The following STRIP2 variants were observed in gnomAD, a reference collection of about 807,000 sequenced individuals.
STRIP2 encodes the protein striatin-interacting protein 2.
Under a neutral mutation model 107.1 loss-of-function variants are expected in STRIP2, and 84 were observed. The ratio of observed to expected loss-of-function variants is 0.78; its 90% CI spans 0.66 to 0.94. The LOEUF is 0.94. Ranked by LOEUF, STRIP2 falls within the 40% of genes least tolerant of loss-of-function variation. The pLI, the probability that STRIP2 is intolerant of heterozygous loss-of-function variation, is 0.00. For synonymous variants in STRIP2, 394 were observed against 400.4 expected (o/e 0.98, Z 0.19); for missense variants, 888 against 1,034.2 (o/e 0.86, Z 1.94).
rs369543012 is a variant in STRIP2, at chr7:129,434,756, C to T, written c.129+155C>T. On this transcript the variant is annotated intron_variant, in intron 1 of 20. Transcript: ENST00000249344. ...GGGGTCCTAGCGGCTGAACTCTGGG[C>T]TCTTTGGCCCGGACCAGTGTCCGCC... 7.7e-3 allele frequency among the ~76,000 whole-genome samples: 1,172 copies of T among 152,386 alleles called. 13 individuals carry two copies. Among genetic ancestry groups the T allele is most frequent in the African/African-American group, 0.027 (1,117 of 41,594 alleles).
intron 1 of STRIP2, among the ~76,000 whole-genome samples, chr7:129,436,452 C>T (rs1429707552): frequency 2.6e-5 from 4 of 152,202 alleles, no homozygotes; most frequent in East Asian, 3.8e-4. Flanking sequence ...AGCTTTCCAC[C>T]TGCACCGCGG....
intron 1 of STRIP2, among the ~76,000 whole-genome samples, chr7:129,436,098 T>TC (rs780199010): frequency 6.6e-6 from 1 of 152,084 alleles, no homozygotes; most frequent in Non-Finnish European, 1.5e-5. Context: ...TGTACCTCCT[T>TC]CCCCCACAGA....
chr7:129,479,491 C>CTTTTTTTTTTTTTTTTTT, intron 18 of STRIP2, among the ~76,000 whole-genome samples: 1 of 136,370 alleles, frequency 7.3e-6, no homozygotes, highest in Non-Finnish European at 1.6e-5. Flanking sequence ...AATAATGTTT[C>CTTTTTTTTTTTTTTTTTT]TTTTTTTTTT....
Position 129,483,392 on chromosome 7 carries a change from A to G in STRIP2, c.2254+346A>G, listed in dbSNP as rs1788780491. On this transcript the variant is annotated intron_variant, in intron 20 of 20. Coordinates refer to ENST00000249344, the MANE Select transcript of STRIP2 (RefSeq NM_020704.3). This position sits in a 1 kb window ranked among gnomAD's most constrained non-coding sequence, Gnocchi z 5.1. ...AAGCAGTTAGAAAAAAAGATAGAAA[A>G]TACAAGTAAACAAACATTTTACTAT... The G allele has an allele frequency of 1.1e-6, 1 of 897,772 alleles. No individual in the cohort carries two copies. 55.6% of individuals were successfully genotyped at this position (897,772 alleles called of 1,614,324 possible).
At chr7:129,464,476 T>G in intron 15 of STRIP2, 136 bp from the exon 16 acceptor site, 1 of 910,124 alleles carries the variant, frequency 1.1e-6, no homozygotes, top group African/African-American at 1.7e-5. Flanking sequence ...ACTCTGGAGG[T>G]TTCCCTGGCA....
chr7:129,483,188 A>G lies in STRIP2; in HGVS notation c.2254+142A>G. The G allele has an allele frequency of 6.9e-7, 1 of 1,442,938 alleles. No individual in the cohort carries two copies. Among genetic ancestry groups the G allele is most frequent in the Non-Finnish European group, 9.1e-7 (1 of 1,099,360 alleles). 89.4% of individuals were successfully genotyped at this position (1,442,938 alleles called of 1,614,324 possible). A position where few individuals can be genotyped will look rare whatever the true frequency, so the allele number is the denominator to read the frequency against. On this transcript the variant is annotated intron_variant, in intron 20 of 20. Transcript: ENST00000249344. The surrounding 1 kb of genome is among the most constrained non-coding windows in gnomAD (Gnocchi z 5.1). ...ATGTGATTATAGGTCAGGCGCTGAT[A>G]CACCAAACTTTAAGGTTATGCCTCA...
Position 129,482,862 on chromosome 7 carries a change from G to A in STRIP2, c.2070G>A (p.Ser690=), listed in dbSNP as rs181546167. 1.1e-4 allele frequency: 182 copies of A among 1,613,936 alleles called. No homozygotes were observed. Among genetic ancestry groups the A allele is most frequent in the Admixed American group, 8.0e-4 (48 of 60,000 alleles). The change falls in exon 20 of 21, where the codon TCG becomes TCA. Residue 690 remains serine, a synonymous_variant. Coordinates refer to ENST00000249344, the MANE Select transcript of STRIP2 (RefSeq NM_020704.3). ...SRTMMLVVFK[S]APILKRALKV... is the part of the protein sequence containing the mutation. Reference sequence around the variant, plus strand: ...AACAGATGCTGGTAGTGTTTAAATCGGCACCAATCTTAAAGCGGGCCCTCA... The same window carrying A: ...AACAGATGCTGGTAGTGTTTAAATCAGCACCAATCTTAAAGCGGGCCCTCA...
Position 129,487,128 on chromosome 7 carries a change from C to T in STRIP2, c.*1299C>T, listed in dbSNP as rs535260240. The stretch of plus-strand genomic sequence containing the variant: ...TCCCGGGTTCAAGCGATTCTCCTGC[C>T]TCAGCCTCCCAAGGAGCTGGGATTA... On this transcript the variant is annotated 3_prime_UTR_variant, in exon 21 of 21. Transcript: ENST00000249344. 6.6e-6 allele frequency: 1 copy of T among 152,084 alleles called. No homozygotes were observed. Among genetic ancestry groups the T allele is most frequent in the African/African-American group, 2.4e-5 (1 of 41,304 alleles). 9.4% of individuals were successfully genotyped at this position (152,084 alleles called of 1,614,324 possible).
At chr7:129,442,790 T>C (rs1304091396) in intron 2 of STRIP2, among the ~76,000 whole-genome samples, 1 of 152,190 alleles carries the variant, frequency 6.6e-6, no homozygotes, top group East Asian at 1.9e-4. Context: ...GACAAGGTGT[T>C]TCTCAACCAT....
At chr7:129,476,817 G>C (rs1013397961) in intron 18 of STRIP2, among the ~76,000 whole-genome samples, 1 of 152,162 alleles carries the variant, frequency 6.6e-6, no homozygotes, top group South Asian at 2.1e-4. Context: ...GGGAGGCCAA[G>C]GCAGGCGGCT....
chr7:129,456,679 A>G, intron 9 of STRIP2, 37 bp downstream of exon 9: 5 of 1,569,858 alleles, frequency 3.2e-6, no homozygotes, highest in Non-Finnish European at 4.4e-6. Context: ...TGGGACACCG[A>G]CTGGCCAAAA....
intron 2 of STRIP2, among the ~76,000 whole-genome samples, chr7:129,443,467 T>C (rs1398422624): frequency 6.6e-6 from 1 of 152,224 alleles, no homozygotes; most frequent in Non-Finnish European, 1.5e-5. Flanking sequence ...AGAGTTTTTT[T>C]TGCAGCCTCT....
intron 18 of STRIP2, among the ~76,000 whole-genome samples, chr7:129,475,800 A>G (rs2151015148): frequency 6.6e-6 from 1 of 152,194 alleles, no homozygotes; most frequent in East Asian, 1.9e-4. Flanking sequence ...CATCTGTTTA[A>G]CAAAGCACAT....
At chr7:129,464,536 G>C in intron 15 of STRIP2, 76 bp from the exon 16 acceptor site, 1 of 1,534,060 alleles carries the variant, frequency 6.5e-7, no homozygotes, top group Admixed American at 1.7e-5. Context: ...TATTGTATCA[G>C]ACCCAAATAC....
At chr7:129,465,146 C>T (rs1377633867) in intron 16 of STRIP2, among the ~76,000 whole-genome samples, 2 of 152,140 alleles carry the variant, frequency 1.3e-5, no homozygotes, top group East Asian at 1.9e-4. Flanking sequence ...GGGCACAGTT[C>T]TGGCTCTTCA....
Position 129,461,967 on chromosome 7 carries a change from T to C in STRIP2, c.1477-999T>C, listed in dbSNP as rs1798548482. On this transcript the variant is annotated intron_variant, in intron 13 of 20. Coordinates refer to ENST00000249344, the MANE Select transcript of STRIP2 (RefSeq NM_020704.3). The surrounding 1 kb of genome is among the most constrained non-coding windows in gnomAD (Gnocchi z 4.0). ...GCACAAGTAGGAGACTGGCCTTTGT[T>C]AGAAGCACAGGCGGTTCATCCTTCA... Among the ~76,000 whole-genome samples the C allele has an allele frequency of 6.6e-6, 1 of 152,172 alleles. No individual in the cohort carries two copies. Among genetic ancestry groups the C allele is most frequent in the Non-Finnish European group, 1.5e-5 (1 of 68,018 alleles).
intron 3 of STRIP2, among the ~76,000 whole-genome samples, chr7:129,448,952 T>C (rs1267121771): frequency 6.6e-6 from 1 of 152,174 alleles, no homozygotes; most frequent in East Asian, 1.9e-4. Flanking sequence ...CTGGGATGAG[T>C]AGATCTAAAG....
rs1798582202 is a variant in STRIP2 at position 129,463,019 on chromosome 7, G to A, written c.1530G>A (p.Leu510=). The change falls in exon 14 of 21, where the codon CTG becomes CTA. Residue 510 remains leucine (L), a synonymous_variant. Transcript: ENST00000249344. ...GTGAAATCCTCTACCAGGGAATGCTGTACAGCCTTCCGCAGTATATGGTAA... is the reference window on the plus strand; with the variant it reads ...GTGAAATCCTCTACCAGGGAATGCTATACAGCCTTCCGCAGTATATGGTAA... The part of the protein sequence containing the change: ...TPCEILYQGM[L]YSLPQYMIAL... 2.5e-6 allele frequency: 4 copies of A among 1,613,938 alleles called. No individual in the cohort carries two copies. In the East Asian group the frequency reaches 6.7e-5, roughly 27 times the overall value.
Position 129,483,692 on chromosome 7 carries a change from G to A in STRIP2, c.2254+646G>A, listed in dbSNP as rs1477200239. The stretch of plus-strand genomic sequence containing the variant: ...TTTTCCAAGTCAGAATCCAATCCAG[G>A]ACCACAGGTTGCATCCAGTTGTTAT... On this transcript the variant is annotated intron_variant, in intron 20 of 20. Transcript: ENST00000249344. The surrounding 1 kb of genome is among the most constrained non-coding windows in gnomAD (Gnocchi z 5.1). The A allele has an allele frequency of 6.6e-6, 1 of 152,082 alleles. No individual in the cohort carries two copies. The highest frequency in any genetic ancestry group is 1.5e-5 in the Non-Finnish European group (1 of 68,058). The allele number at this position is 152,082 out of a possible 1,614,324, so 9.4% of individuals were successfully genotyped here. A position where few individuals can be genotyped will look rare whatever the true frequency, so the allele number is the denominator to read the frequency against.
Sources: gnomAD v4.1 joint callset for allele counts (sites outside exome capture counted in the v4.1 genomes callset) on GRCh38, gnomAD v4.1.1 for gene constraint, Gnocchi (gnomAD v3.1) non-coding constraint, MANE v1.5 for transcripts, NCBI Gene and HGNC (gene_info 2026-07-23, HGNC 2026-07-21) for gene names.